The following DAB2IP variants were observed in gnomAD, a reference collection of about 807,000 sequenced individuals.
DAB2IP encodes DAB2 interacting protein.
Under a neutral mutation model 107.2 loss-of-function variants are expected in DAB2IP, and 28 were observed. That is an observed-to-expected ratio of 0.26 (90% confidence interval 0.19 to 0.36). The LOEUF (loss-of-function observed/expected upper bound fraction) is 0.36, where lower values mean the gene tolerates loss of function less well. Among genes scored for constraint, DAB2IP ranks in the 10% least tolerant of loss-of-function variants. The pLI, the probability that DAB2IP is intolerant of heterozygous loss-of-function variation, is 1.00. For missense variants in DAB2IP, 1,400 were observed against 1,644.7 expected (o/e 0.85, Z 2.57); for synonymous variants, 755 against 706.4 (o/e 1.07, Z -1.09).
At chr9:121,581,919 C>T (rs527545417) in intron 1 of DAB2IP, among the ~76,000 whole-genome samples, 35 of 152,330 alleles carry the variant, frequency 2.3e-4, no homozygotes, top group African/African-American at 5.8e-4. Flanking sequence ...CAGCTGACCC[C>T]GGGCTCATTA....
chr9:121,737,886 G>T (rs1832042067), intron 3 of DAB2IP, among the ~76,000 whole-genome samples: 1 of 152,208 alleles, frequency 6.6e-6, no homozygotes, highest in African/African-American at 2.4e-5. Context: ...AGTGGGCAGG[G>T]CTTGTTGGTG....
At chr9:121,636,572 G>A (rs561129224) in intron 1 of DAB2IP, among the ~76,000 whole-genome samples, 3 of 152,246 alleles carry the variant, frequency 2.0e-5, no homozygotes, top group East Asian at 1.9e-4. Context: ...CTGTGCTCTC[G>A]GGAGCAGGAG....
At chr9:121,572,487 C>T (rs1399701887) in intron 1 of DAB2IP, among the ~76,000 whole-genome samples, 1 of 152,208 alleles carries the variant, frequency 6.6e-6, no homozygotes, top group East Asian at 1.9e-4. Flanking sequence ...TTAACTTGCT[C>T]CGCATCCTTA....
chr9:121,618,056 G>A (rs747935681), intron 1 of DAB2IP, among the ~76,000 whole-genome samples: 4 of 152,188 alleles, frequency 2.6e-5, no homozygotes, highest in African/African-American at 9.7e-5. Context: ...CAGCCAGGGC[G>A]CTTTAGGTAC....
At chr9:121,769,247 G>C (rs1834518915) in intron 10 of DAB2IP, among the ~76,000 whole-genome samples, 2 of 152,182 alleles carry the variant, frequency 1.3e-5, no homozygotes, top group Non-Finnish European at 2.9e-5. Flanking sequence ...CTTTTGTAAG[G>C]TGCTGAAACT....
intron 2 of DAB2IP, among the ~76,000 whole-genome samples, chr9:121,679,108 C>T (rs922483976): frequency 6.6e-6 from 1 of 152,072 alleles, no homozygotes; most frequent in Non-Finnish European, 1.5e-5. Context: ...CCCTTGAGGG[C>T]GCACACACAC....
At chr9:121,659,748 C>G (rs370566463) in intron 1 of DAB2IP, among the ~76,000 whole-genome samples, 1 of 151,968 alleles carries the variant, frequency 6.6e-6, no homozygotes, top group Non-Finnish European at 1.5e-5. Context: ...GAGCCGAGAT[C>G]GCGCCACTGC....
intron 3 of DAB2IP, among the ~76,000 whole-genome samples, chr9:121,725,364 C>T (rs1053289106): frequency 3.3e-5 from 5 of 152,268 alleles, no homozygotes; most frequent in African/African-American, 1.2e-4. Context: ...ATTGGCGGGC[C>T]CTGGTCTGAC....
intron 3 of DAB2IP, among the ~76,000 whole-genome samples, chr9:121,716,392 T>C (rs112067427): frequency 6.6e-6 from 1 of 152,148 alleles, no homozygotes; most frequent in African/African-American, 2.4e-5. Flanking sequence ...GGAAACTGAG[T>C]TTCATCCCAA....
At chr9:121,749,322 A>C (rs1202059029) in intron 3 of DAB2IP, among the ~76,000 whole-genome samples, 3 of 151,726 alleles carry the variant, frequency 2.0e-5, no homozygotes, top group Admixed American at 1.3e-4. Flanking sequence ...CCATGTCCAG[A>C]CTCTCTTTTT....
chr9:121,702,482 C>G lies in DAB2IP; in HGVS notation c.362+3024C>G, dbSNP rs1374422138. 6.6e-6 allele frequency among the ~76,000 whole-genome samples: 1 copy of G among 152,124 alleles called. No individual in the cohort carries two copies. The highest frequency in any genetic ancestry group is 6.5e-5 in the Admixed American group (1 of 15,284). On this transcript the variant is annotated intron_variant, in intron 3 of 15. Transcript: ENST00000408936. This position sits in a 1 kb window ranked among gnomAD's most constrained non-coding sequence, Gnocchi z 4.5. ...CTCAGGGGAGGTTGCCAGCTGGTCT[C>G]CACAGTCTCTGGGTCCCTCAGACAC...
chr9:121,603,399 A>G (rs1164460334), intron 1 of DAB2IP, among the ~76,000 whole-genome samples: 1 of 151,850 alleles, frequency 6.6e-6, no homozygotes, highest in South Asian at 2.1e-4. Flanking sequence ...CCTTGGACCT[A>G]TTTGATCCTG....
intron 3 of DAB2IP, among the ~76,000 whole-genome samples, chr9:121,749,284 T>TCCCC (rs1796814610): frequency 6.6e-6 from 1 of 152,228 alleles, no homozygotes; most frequent in Non-Finnish European, 1.5e-5. Flanking sequence ...GCCGTTTGAT[T>TCCCC]CCCAGCAGGT....
At chr9:121,641,935 T>TCTTTCTTTCCTTTCTTTCTTTCTCTC (rs1832318082) in intron 1 of DAB2IP, among the ~76,000 whole-genome samples, 1 of 113,634 alleles carries the variant, frequency 8.8e-6, no homozygotes, top group African/African-American at 4.3e-5. Flanking sequence ...CTTTCTTTCT[T>TCTTTCTTTCCTTTCTTTCTTTCTCTC]TCTCTCTTTC....
chr9:121,701,180 G>A lies in DAB2IP; in HGVS notation c.362+1722G>A, dbSNP rs1298717184. On this transcript the variant is annotated intron_variant, in intron 3 of 15. Transcript: ENST00000408936. This position sits in a 1 kb window ranked among gnomAD's most constrained non-coding sequence, Gnocchi z 4.7. The stretch of plus-strand genomic sequence containing the variant: ...AGCAGGAGAGACAACAGGCAGTCCG[G>A]CTTCTGAGTGTGTCTGCTCTCCCGG... Among the ~76,000 whole-genome samples, 2 of 152,214 alleles carry A rather than the reference G, an allele frequency of 1.3e-5. No homozygotes were observed. Among genetic ancestry groups the A allele is most frequent in the Non-Finnish European group, 2.9e-5 (2 of 68,034 alleles).
At chr9:121,687,299 G>A (rs1828932379) in intron 2 of DAB2IP, among the ~76,000 whole-genome samples, 1 of 152,232 alleles carries the variant, frequency 6.6e-6, no homozygotes, top group Non-Finnish European at 1.5e-5. Context: ...GGTTCTGAAA[G>A]GGGACCCTGG....
intron 1 of DAB2IP, among the ~76,000 whole-genome samples, chr9:121,663,286 C>A (rs899154740): frequency 5.3e-5 from 8 of 152,178 alleles, no homozygotes; most frequent in Non-Finnish European, 1.2e-4. Context: ...CAGAGACCAA[C>A]AAGGGAGCAA....
intron 1 of DAB2IP, among the ~76,000 whole-genome samples, chr9:121,668,484 C>T (rs1197136778): frequency 6.6e-6 from 1 of 152,210 alleles, no homozygotes; most frequent in African/African-American, 2.4e-5. Flanking sequence ...AGCAGCCTTC[C>T]TGCCTCGGCC....
At chr9:121,689,898 C>T (rs1458949704) in intron 2 of DAB2IP, among the ~76,000 whole-genome samples, 8 of 152,226 alleles carry the variant, frequency 5.3e-5, no homozygotes, top group Non-Finnish European at 7.3e-5. Context: ...GCTGGCTCAA[C>T]GCCTCAGTCT....
Sources: allele counts gnomAD v4.1 joint callset (sites outside exome capture counted in the v4.1 genomes callset), GRCh38; gene constraint gnomAD v4.1.1; non-coding constraint Gnocchi (gnomAD v3.1); transcripts MANE v1.5; gene names NCBI Gene and HGNC (gene_info 2026-07-23, HGNC 2026-07-21).